OPCML: variants seen among roughly 807,000 people sequenced by gnomAD.
OPCML encodes opioid-binding protein/cell adhesion molecule.
A neutral mutation model predicts 37.8 loss-of-function variants in OPCML; 13 were observed. The observed-to-expected ratio is 0.34, with a 90% CI of 0.22 to 0.55. The LOEUF is 0.55. Among genes scored for constraint, OPCML ranks in the 20% least tolerant of loss-of-function variants. The pLI, the probability that OPCML is intolerant of heterozygous loss-of-function variation, is 0.91. For synonymous variants in OPCML, 176 were observed against 168.8 expected, an observed-to-expected ratio of 1.04 and a Z score of -0.33; for missense variants, 341 against 435.6, an observed-to-expected ratio of 0.78 and a Z score of 1.93.
In OPCML at chr11:133,323,474, G is replaced by T. The variant is rs183197557; in HGVS notation, c.61+208790C>A. 4.3e-4 allele frequency among the ~76,000 whole-genome samples: 65 copies of T among 152,262 alleles called. 1 individual carries two copies. The East Asian group carries it at 0.013, about 29-fold the overall frequency. Reference sequence around the variant, plus strand: ...AGGCTTTGCAAATTAACAAGCACCCGAAAGGCACCCAGAGAAAAGCAGCTG... The same window carrying T: ...AGGCTTTGCAAATTAACAAGCACCCTAAAGGCACCCAGAGAAAAGCAGCTG... On this transcript the variant is annotated intron_variant, in intron 1 of 7. Transcript: ENST00000524381.
At chr11:133,224,234 G>C (rs1939948448) in intron 1 of OPCML, among the ~76,000 whole-genome samples, 1 of 152,124 alleles carries the variant, frequency 6.6e-6, no homozygotes, top group Non-Finnish European at 1.5e-5. Flanking sequence ...ACCTCCAAAG[G>C]GGTCACTCAG....
At chr11:132,437,566 T>A in intron 4 of OPCML, 1 of 728,230 alleles carries the variant, frequency 1.4e-6, no homozygotes, top group Non-Finnish European at 1.7e-6. Flanking sequence ...TGCATCAATG[T>A]ATTTTCAGTC....
At chr11:132,753,601 A>AATAG (rs61697598) in intron 2 of OPCML, among the ~76,000 whole-genome samples, 23,289 of 152,086 alleles carry the variant, frequency 0.15, 2,382 homozygotes, top group African/African-American at 0.3. Context: ...ACAGACAGAT[A>AATAG]ATAGACAGAC....
At chr11:133,380,207 T>C (rs2136778005) in intron 1 of OPCML, among the ~76,000 whole-genome samples, 1 of 152,296 alleles carries the variant, frequency 6.6e-6, no homozygotes, top group East Asian at 1.9e-4. Context: ...TGCGGTGAAT[T>C]CAGATAAAGG....
chr11:133,164,866 T>C (rs1472804775), intron 1 of OPCML, among the ~76,000 whole-genome samples: 1 of 152,142 alleles, frequency 6.6e-6, no homozygotes, highest in Non-Finnish European at 1.5e-5. Flanking sequence ...CCAAACTGCA[T>C]CCTCTGGAAC....
chr11:132,978,749 T>C (rs1430674418), intron 1 of OPCML, among the ~76,000 whole-genome samples: 1 of 152,178 alleles, frequency 6.6e-6, no homozygotes, highest in East Asian at 1.9e-4. Flanking sequence ...ATAATTGCTA[T>C]GCTAATGACT....
chr11:133,470,143 G>A (rs981513117), intron 1 of OPCML, among the ~76,000 whole-genome samples: 3 of 152,150 alleles, frequency 2.0e-5, no homozygotes, highest in African/African-American at 4.8e-5. Context: ...ATCAGGGGAT[G>A]TTGACTCTAT....
At chr11:133,354,698 T>A (rs1944242965) in intron 1 of OPCML, among the ~76,000 whole-genome samples, 2 of 152,358 alleles carry the variant, frequency 1.3e-5, no homozygotes, top group East Asian at 3.9e-4. Context: ...GAGAGAAAGA[T>A]GCTTAGTAAA....
intron 1 of OPCML, among the ~76,000 whole-genome samples, chr11:133,357,579 A>G (rs1944316596): frequency 6.6e-6 from 1 of 152,076 alleles, no homozygotes; most frequent in Admixed American, 6.5e-5. Context: ...CTCAAATCTC[A>G]TCTTTTTATT....
At chr11:132,870,555 T>C (rs1942756493) in intron 2 of OPCML, among the ~76,000 whole-genome samples, 2 of 152,122 alleles carry the variant, frequency 1.3e-5, no homozygotes, top group Non-Finnish European at 2.9e-5. Context: ...TCTGGGTATA[T>C]GTCCAAAGAA....
At chr11:132,944,176 C>T (rs915736458) in intron 1 of OPCML, among the ~76,000 whole-genome samples, 3 of 152,078 alleles carry the variant, frequency 2.0e-5, no homozygotes, top group Admixed American at 2.0e-4. Context: ...AGCGGCTTCC[C>T]CTACAGAGGG....
intron 1 of OPCML, among the ~76,000 whole-genome samples, chr11:133,435,738 A>T (rs1465814154): frequency 6.6e-6 from 1 of 152,226 alleles, no homozygotes; most frequent in African/African-American, 2.4e-5. Context: ...GAAGATGGGA[A>T]ATTATCTCTG....
At chr11:132,455,796 T>TTCATTCAC (rs2136878669) in intron 4 of OPCML, among the ~76,000 whole-genome samples, 1 of 152,196 alleles carries the variant, frequency 6.6e-6, no homozygotes. Context: ...CATTCATTCA[T>TTCATTCAC]TCATATGTAA....
intron 3 of OPCML, among the ~76,000 whole-genome samples, chr11:132,586,178 C>T (rs1390410411): frequency 6.6e-6 from 1 of 152,178 alleles, no homozygotes; most frequent in Non-Finnish European, 1.5e-5. Flanking sequence ...CTACCATAGT[C>T]GGGAAGCCCA....
chr11:132,530,996 T>A (rs1192717399), intron 3 of OPCML, among the ~76,000 whole-genome samples: 1 of 152,154 alleles, frequency 6.6e-6, no homozygotes, highest in Non-Finnish European at 1.5e-5. Flanking sequence ...AGCCATCTCT[T>A]CTGCTGCATT....
chr11:132,894,687 G>T (rs1359049958), intron 2 of OPCML, among the ~76,000 whole-genome samples: 2 of 152,188 alleles, frequency 1.3e-5, no homozygotes, highest in Non-Finnish European at 2.9e-5. Flanking sequence ...TAGGCTGGGG[G>T]CCCAGACAGA....
chr11:132,656,165 C>A (rs1369355269), intron 3 of OPCML, among the ~76,000 whole-genome samples: 1 of 152,082 alleles, frequency 6.6e-6, no homozygotes, highest in African/African-American at 2.4e-5. Context: ...TCATTCCTGC[C>A]GTGAGCCAAC....
intron 2 of OPCML, among the ~76,000 whole-genome samples, chr11:132,852,690 C>T (rs769486577): frequency 6.6e-6 from 1 of 152,070 alleles, no homozygotes; most frequent in Non-Finnish European, 1.5e-5. Flanking sequence ...GAATGTCCTT[C>T]AATGAAACAG....
At chr11:133,459,848 T>C (rs1476119328) in intron 1 of OPCML, among the ~76,000 whole-genome samples, 2 of 151,992 alleles carry the variant, frequency 1.3e-5, no homozygotes, top group Non-Finnish European at 2.9e-5. Context: ...ACAGAGAAAT[T>C]GAGCAACATT....
Sources: gnomAD v4.1 joint callset for allele counts (sites outside exome capture counted in the v4.1 genomes callset) on GRCh38, gnomAD v4.1.1 for gene constraint, MANE v1.5 for transcripts, NCBI Gene and HGNC (gene_info 2026-07-23, HGNC 2026-07-21) for gene names.